The following SH3KBP1 variants were observed in gnomAD, a reference collection of about 807,000 sequenced individuals.
SH3KBP1 encodes SH3 domain-containing kinase-binding protein 1.
SH3KBP1 carries 8 observed loss-of-function variants against 50.1 expected under a neutral mutation model. That is an observed-to-expected ratio of 0.16 (90% CI 0.09 to 0.29). The LOEUF (loss-of-function observed/expected upper bound fraction) is 0.29, where lower values mean the gene tolerates loss of function less well. Among genes scored for constraint, SH3KBP1 ranks in the 10% least tolerant of loss-of-function variants. SH3KBP1 has a pLI of 1.00. For missense variants in SH3KBP1, 377 were observed against 535.2 expected (o/e 0.70, Z 2.92); for synonymous variants, 227 against 218.6 (o/e 1.04, Z -0.34).
At chrX:19,589,229 T>C (rs935723697) in intron 11 of SH3KBP1, among the ~76,000 whole-genome samples, 3 of 112,551 alleles carry the variant, frequency 2.7e-5, no homozygotes, top group Non-Finnish European at 5.6e-5. Context: ...GCACAGCCTG[T>C]AGGCCGACAG....
chrX:19,838,283 T>C (rs185372381), intron 1 of SH3KBP1, among the ~76,000 whole-genome samples: 58 of 112,562 alleles, frequency 5.2e-4, no homozygotes, highest in African/African-American at 1.7e-3. Context: ...TCAGGGATCC[T>C]TTAAGGGGCA....
chrX:19,686,055 T>A (rs963423619), intron 5 of SH3KBP1, among the ~76,000 whole-genome samples: 1 of 111,715 alleles, frequency 9.0e-6, no homozygotes, highest in African/African-American at 3.3e-5. Flanking sequence ...CTTAATATGT[T>A]TATACTAATC....
At chrX:19,648,207 T>C (rs1486907560) in intron 6 of SH3KBP1, among the ~76,000 whole-genome samples, 2 of 107,702 alleles carry the variant, frequency 1.9e-5, no homozygotes, top group South Asian at 8.1e-4. Flanking sequence ...GAGGGAAACA[T>C]GGGGGAGGAT....
At position 19,699,923 on chromosome X, in the gene SH3KBP1, T is replaced by C. The variant is rs772017567; in HGVS notation, c.391-4182A>G. 3.6e-5 allele frequency among the ~76,000 whole-genome samples: 4 copies of C among 111,748 alleles called. No individual in the cohort carries two copies. In the South Asian group the frequency reaches 1.1e-3, roughly 31 times the overall value. On this transcript the variant is annotated intron_variant, in intron 4 of 17. Coordinates refer to ENST00000397821, the MANE Select transcript of SH3KBP1 (RefSeq NM_031892.3). ...CTGAAGTTTTACCTGTCAACTGGAC[T>C]GAGAAGGGGTATGGAGGCTTTATCA...
At chrX:19,733,537 CACATCAAAATTCTAT>C (rs1341059794) in intron 3 of SH3KBP1, among the ~76,000 whole-genome samples, 3 of 110,446 alleles carry the variant, frequency 2.7e-5, no homozygotes, top group Non-Finnish European at 3.8e-5. Flanking sequence ...CCTCATACTA[CACATCAAAATTCTAT>C]ACAGATTAAA....
intron 2 of SH3KBP1, among the ~76,000 whole-genome samples, chrX:19,777,430 GCC>G (rs1301680838): frequency 9.0e-6 from 1 of 111,286 alleles, no homozygotes; most frequent in Non-Finnish European, 1.9e-5. Flanking sequence ...GCAGGCTGAG[GCC>G]CCAGCCTGCC....
intron 3 of SH3KBP1, among the ~76,000 whole-genome samples, chrX:19,717,271 GT>G (rs1469517746): frequency 8.9e-6 from 1 of 111,933 alleles, no homozygotes; most frequent in Non-Finnish European, 1.9e-5. Context: ...CTAGCTCAGT[GT>G]CTGTTTGAGT....
intron 2 of SH3KBP1, among the ~76,000 whole-genome samples, chrX:19,823,891 G>A (rs1364129586): frequency 4.5e-5 from 5 of 111,510 alleles, no homozygotes; most frequent in Non-Finnish European, 9.4e-5. Context: ...CCACAATCTC[G>A]GCTCACTGCA....
intron 13 of SH3KBP1, among the ~76,000 whole-genome samples, chrX:19,553,642 A>C (rs1285072994): frequency 9.4e-6 from 1 of 106,411 alleles, no homozygotes; most frequent in African/African-American, 3.4e-5. Context: ...TCTGCTATGG[A>C]TGCAGAGAAG....
At chrX:19,770,511 G>A (rs920936864) in intron 2 of SH3KBP1, among the ~76,000 whole-genome samples, 3 of 111,662 alleles carry the variant, frequency 2.7e-5, no homozygotes, top group Admixed American at 1.9e-4. Flanking sequence ...ATACTTGTGC[G>A]TGTGTCTTTA....
chrX:19,757,780 G>GACTTGTCTCATCATTTTTCTTGATTGAC (rs2065256461), intron 2 of SH3KBP1, among the ~76,000 whole-genome samples: 1 of 110,832 alleles, frequency 9.0e-6, no homozygotes, highest in Non-Finnish European at 1.9e-5. Flanking sequence ...AAATGATTGA[G>GACTTGTCTCATCATTTTTCTTGATTGAC]ACTTGTCTCA....
chrX:19,736,361 C>A (rs767719805), intron 3 of SH3KBP1, among the ~76,000 whole-genome samples: 1 of 112,403 alleles, frequency 8.9e-6, no homozygotes, highest in African/African-American at 3.2e-5. Flanking sequence ...GGGGAATCTG[C>A]AACTTGTCTA....
intron 13 of SH3KBP1, among the ~76,000 whole-genome samples, chrX:19,553,852 T>A (rs1240799569): frequency 1.2e-5 from 1 of 86,382 alleles, no homozygotes; most frequent in Admixed American, 1.7e-4. Context: ...ATATATATAT[T>A]ATATATATTA....
intron 2 of SH3KBP1, among the ~76,000 whole-genome samples, chrX:19,802,754 C>A (rs1184729089): frequency 9.0e-6 from 1 of 111,299 alleles, no homozygotes; most frequent in Non-Finnish European, 1.9e-5. Flanking sequence ...CTTTGTGCTC[C>A]CTTAGCGTAC....
In SH3KBP1 at chrX:19,887,460, G is replaced by C; in HGVS notation, c.-150C>G. ...GGCCGGCTTCTTCCTCAGTGGCGGCGGCGGCGGCTCAGCGCCGCCCGCTGC... is the reference window on the plus strand; with the variant it reads ...GGCCGGCTTCTTCCTCAGTGGCGGCCGCGGCGGCTCAGCGCCGCCCGCTGC... On this transcript the variant is annotated 5_prime_UTR_variant, in exon 1 of 18. Coordinates refer to ENST00000397821, the MANE Select transcript of SH3KBP1 (RefSeq NM_031892.3). 2.5e-6 allele frequency: 1 copy of C among 405,923 alleles called. No homozygotes were observed. Among genetic ancestry groups the C allele is most frequent in the Non-Finnish European group, 3.6e-6 (1 of 274,850 alleles). 33.5% of individuals were successfully genotyped at this position (405,923 alleles called of 1,213,427 possible).
intron 6 of SH3KBP1, among the ~76,000 whole-genome samples, chrX:19,677,234 T>G: frequency 9.0e-6 from 1 of 111,432 alleles, no homozygotes; most frequent in Non-Finnish European, 1.9e-5. Flanking sequence ...CTGACACTCC[T>G]TTCCCTAAGT....
chrX:19,778,371 C>T (rs1603234194), intron 2 of SH3KBP1, among the ~76,000 whole-genome samples: 1 of 97,192 alleles, frequency 1.0e-5, no homozygotes, highest in Admixed American at 1.2e-4. Context: ...GCTGAGGTTA[C>T]AGTGAGCCGA....
chrX:19,574,785 G>A (rs1055966344), intron 12 of SH3KBP1, among the ~76,000 whole-genome samples: 1 of 112,190 alleles, frequency 8.9e-6, no homozygotes, highest in Non-Finnish European at 1.9e-5. Flanking sequence ...AAAAATTCTT[G>A]CAGATCCCCA....
chrX:19,830,467 T>C (rs2147391923), intron 2 of SH3KBP1, among the ~76,000 whole-genome samples: 1 of 111,460 alleles, frequency 9.0e-6, no homozygotes, highest in South Asian at 3.8e-4. Context: ...CCAAAATAAG[T>C]GGGTGGGGGC....
Sources: allele counts gnomAD v4.1 joint callset (sites outside exome capture counted in the v4.1 genomes callset), GRCh38; gene constraint gnomAD v4.1.1; transcripts MANE v1.5; gene names NCBI Gene and HGNC (gene_info 2026-07-23, HGNC 2026-07-21).